Variants in COPA observed in about 807,000 individuals in gnomAD.
COPA encodes coat protein complex I subunit alpha, also known as coatomer subunit alpha.
COPA carries 10 observed loss-of-function variants against 158.7 expected under a neutral mutation model. The observed-to-expected ratio is 0.06, with a 90% CI of 0.04 to 0.11. The LOEUF is 0.11. COPA is among the 10% of genes least tolerant of loss of function. The pLI, the probability that COPA is intolerant of heterozygous loss-of-function variation, is 1.00. For synonymous variants in COPA, 462 were observed against 542.8 expected (o/e 0.85, Z 2.07); for missense variants, 1,065 against 1,536.7 (o/e 0.69, Z 5.13).
At chr1:160,336,560 T>C (rs941356125) in intron 3 of COPA, among the ~76,000 whole-genome samples, 6 of 152,126 alleles carry the variant, frequency 3.9e-5, no homozygotes, top group South Asian at 2.1e-4. Context: ...AGATGTGAAG[T>C]TGAGTCAACT....
At chr1:160,296,222 A>G in intron 21 of COPA, 73 bp from the exon 22 acceptor site, 1 of 1,289,032 alleles carries the variant, frequency 7.8e-7, no homozygotes, top group Non-Finnish European at 1.1e-6. Context: ...AACCTCTGAA[A>G]TGGCCCCCCA....
intron 24 of COPA, 21 bp downstream of exon 24, chr1:160,294,747 G>A (rs1017508528): frequency 4.3e-6 from 7 of 1,613,068 alleles, no homozygotes; most frequent in African/African-American, 1.3e-5. Flanking sequence ...CCCCAGAACA[G>A]TCTTAAAACA....
rs779708054 is a variant in COPA at position 160,290,446 on chromosome 1, C to A, written c.3615+46G>T. The A allele has an allele frequency of 6.4e-6, 10 of 1,574,718 alleles. 1 individual carries two copies. In the South Asian group the frequency reaches 1.1e-4, roughly 18 times the overall value. Reference sequence around the variant, plus strand: ...GGACCACCATGTTTCTTTCTTTTTCCCCTTCGCTCAATATCCTAGATATAT... The same window carrying A: ...GGACCACCATGTTTCTTTCTTTTTCACCTTCGCTCAATATCCTAGATATAT... On this transcript the variant is annotated intron_variant, in intron 32 of 32. Coordinates refer to ENST00000241704, the MANE Select transcript of COPA (RefSeq NM_004371.4).
intron 8 of COPA, among the ~76,000 whole-genome samples, chr1:160,319,912 G>C (rs1477888362): frequency 1.3e-5 from 1 of 79,594 alleles, no homozygotes; most frequent in Non-Finnish European, 2.4e-5. Flanking sequence ...AAACACCTAT[G>C]TCAAAAAAAA....
At chr1:160,294,099 A>AT (rs1366103718) in intron 25 of COPA, among the ~76,000 whole-genome samples, 4 of 152,214 alleles carry the variant, frequency 2.6e-5, no homozygotes, top group South Asian at 4.1e-4. Context: ...CTCTTGGAGC[A>AT]TATCAGGATA....
Position 160,294,389 on chromosome 1 carries a change from T to C in COPA, c.2676+95A>G, listed in dbSNP as rs186623726. 457 of 1,047,340 alleles carry C rather than the reference T, an allele frequency of 4.4e-4. 2 individuals carry two copies. In the African/African-American group the frequency reaches 6.7e-3, roughly 15 times the overall value. The allele number at this position is 1,047,340 out of a possible 1,614,324, so 64.9% of individuals were successfully genotyped here. ...CTTAGGATAGTGGTAGGGGATAGGA[T>C]AGGAGACCTGAGGATAGTGGTAGGG... On this transcript the variant is annotated intron_variant, in intron 25 of 32. Transcript: ENST00000241704.
At chr1:160,329,877 C>T (rs865855429) in intron 6 of COPA, among the ~76,000 whole-genome samples, 48 of 152,328 alleles carry the variant, frequency 3.2e-4, no homozygotes, top group Middle Eastern at 3.4e-3. Flanking sequence ...CTTTGGGAGG[C>T]TGAGGCAGCT....
At chr1:160,324,512 G>A (rs1659432246) in intron 7 of COPA, among the ~76,000 whole-genome samples, 1 of 145,760 alleles carries the variant, frequency 6.9e-6, no homozygotes, top group Non-Finnish European at 1.5e-5. Context: ...TGCCTAGGCT[G>A]GTTTCAAACT....
At position 160,313,098 on chromosome 1, in the gene COPA, G is replaced by A. The variant is rs1283078574; in HGVS notation, c.912C>T (p.Asn304=). 1.9e-6 allele frequency: 3 copies of A among 1,614,048 alleles called. No individual in the cohort carries two copies. Among genetic ancestry groups the A allele is most frequent in the Admixed American group, 1.7e-5 (1 of 60,016 alleles). ...FWVLAAHPNL[N]LFAAGHDGGM... Reference sequence around the variant, plus strand: ...AATGGCCCTTACCTGCTGCAAAGAGGTTAAGGTTAGGGTGAGCAGCTAGGA... The same window carrying A: ...AATGGCCCTTACCTGCTGCAAAGAGATTAAGGTTAGGGTGAGCAGCTAGGA... Residue 304 remains asparagine, a synonymous_variant, in exon 10 of 33, where the codon AAC becomes AAT. Coordinates refer to ENST00000241704, the MANE Select transcript of COPA (RefSeq NM_004371.4).
chr1:160,310,511 T>C (rs754924650), intron 11 of COPA: 13 of 286,142 alleles, frequency 4.5e-5, no homozygotes, highest in Non-Finnish European at 7.9e-5. Flanking sequence ...AGAAGGTAGG[T>C]AGGGTTAACA....
At position 160,333,529 on chromosome 1, in the gene COPA, G is replaced by T. The variant is rs1647625550; in HGVS notation, c.386+74C>A. ...AGTCCATTTGAGAAGGGAGAAGATT[G>T]TTCTAAGAGAAGCTCATTATGAAAA... is the stretch of plus-strand genomic sequence containing the variant. On this transcript the variant is annotated intron_variant, in intron 5 of 32. Transcript: ENST00000241704. 4 of 1,058,500 alleles carry T rather than the reference G, an allele frequency of 3.8e-6. No individual in the cohort carries two copies. The South Asian group carries it at 5.6e-5, about 15-fold the overall frequency. The allele number at this position is 1,058,500 out of a possible 1,614,324, so 65.6% of individuals were successfully genotyped here.
At chr1:160,290,339 G>A in intron 32 of COPA, 123 bp from the exon 33 acceptor site, 1 of 1,368,182 alleles carries the variant, frequency 7.3e-7, no homozygotes, top group Non-Finnish European at 1.0e-6. Context: ...TCACTGACTG[G>A]CCAAGAGCAG....
In COPA at chr1:160,320,736, T is replaced by C. The variant is rs1387950641; in HGVS notation, c.706+2695A>G. ...AGAAAAGCCCAGGACCTGACTGCTT[T>C]ACTGCTGAATTCTACCAAACATTTA... is the stretch of plus-strand genomic sequence containing the variant. On this transcript the variant is annotated intron_variant, in intron 8 of 32. Transcript: ENST00000241704. Among the ~76,000 whole-genome samples the C allele has an allele frequency of 2.0e-5, 3 of 149,284 alleles. No individual in the cohort carries two copies. In the East Asian group the frequency reaches 5.8e-4, roughly 29 times the overall value.
chr1:160,309,288 C>T, intron 12 of COPA, 112 bp from the exon 13 acceptor site: 1 of 787,910 alleles, frequency 1.3e-6, no homozygotes, highest in Non-Finnish European at 2.1e-6. Context: ...CAATCTGAAA[C>T]CATACTTTTC....
intron 3 of COPA, among the ~76,000 whole-genome samples, chr1:160,337,212 G>A (rs1647817531): frequency 6.6e-6 from 1 of 152,168 alleles, no homozygotes; most frequent in African/African-American, 2.4e-5. Context: ...CTCCAAAACT[G>A]TAAATCCTTA....
intron 7 of COPA, among the ~76,000 whole-genome samples, chr1:160,323,766 T>C (rs1659406274): frequency 6.6e-6 from 1 of 152,236 alleles, no homozygotes; most frequent in African/African-American, 2.4e-5. Flanking sequence ...AAACTCAGCC[T>C]CATTTGCATT....
intron 6 of COPA, among the ~76,000 whole-genome samples, chr1:160,331,877 G>A (rs1321791086): frequency 6.6e-6 from 1 of 151,878 alleles, no homozygotes; most frequent in African/African-American, 2.4e-5. Flanking sequence ...CCCGGGAGGT[G>A]GAGGTTGCAG....
At chr1:160,307,094 T>A in intron 14 of COPA, 69 bp downstream of exon 14, 1 of 1,460,266 alleles carries the variant, frequency 6.8e-7, no homozygotes, top group South Asian at 1.1e-5. Flanking sequence ...CAATGGTCTT[T>A]ATTTTGCAAT....
chr1:160,300,978 C>T (rs1425629106), intron 17 of COPA, among the ~76,000 whole-genome samples: 2 of 151,970 alleles, frequency 1.3e-5, no homozygotes, highest in African/African-American at 2.4e-5. Flanking sequence ...ATTAGCCAGG[C>T]GTAATGGCTC....
Sources: gnomAD v4.1 joint callset for allele counts (sites outside exome capture counted in the v4.1 genomes callset) on GRCh38, gnomAD v4.1.1 for gene constraint, MANE v1.5 for transcripts, NCBI Gene and HGNC (gene_info 2026-07-23, HGNC 2026-07-21) for gene names.